Variants in FRMD4B observed in about 807,000 individuals in gnomAD.
FRMD4B encodes FERM domain-containing protein 4B.
Under a neutral mutation model 141.5 loss-of-function variants are expected in FRMD4B, and 74 were observed. The ratio of observed to expected loss-of-function variants is 0.52; its 90% CI spans 0.43 to 0.63. The LOEUF is 0.63. Among genes scored for constraint, FRMD4B ranks in the 30% least tolerant of loss-of-function variants. The pLI is 0.00. For missense variants in FRMD4B, 1,366 were observed against 1,253.4 expected (o/e 1.09, Z -1.36); for synonymous variants, 506 against 467.9 (o/e 1.08, Z -1.05).
At chr3:69,482,824 T>A (rs184532465) in intron 1 of FRMD4B, among the ~76,000 whole-genome samples, 1 of 152,308 alleles carries the variant, frequency 6.6e-6, no homozygotes, top group African/African-American at 2.4e-5. Flanking sequence ...GGGTAAACTG[T>A]TACTCTTTTT....
intron 1 of FRMD4B, among the ~76,000 whole-genome samples, chr3:69,376,593 TA>T (rs1308901985): frequency 7.4e-6 from 1 of 135,730 alleles, no homozygotes; most frequent in Non-Finnish European, 1.6e-5. Flanking sequence ...AAAAGGACAT[TA>T]GGGGAAAATG....
intron 1 of FRMD4B, among the ~76,000 whole-genome samples, chr3:69,474,279 G>A (rs71302192): frequency 0.038 from 5,764 of 152,272 alleles, 160 homozygotes; most frequent in Non-Finnish European, 0.055. Flanking sequence ...CAGAATTAAA[G>A]GCAGAGTGAA....
At chr3:69,439,169 G>GT (rs1320763650) in intron 1 of FRMD4B, among the ~76,000 whole-genome samples, 4 of 152,062 alleles carry the variant, frequency 2.6e-5, no homozygotes, top group Admixed American at 6.6e-5. Context: ...GCTCAACATG[G>GT]TTTTTTGCGA....
At chr3:69,244,380 G>A (rs1484955667) in intron 7 of FRMD4B, among the ~76,000 whole-genome samples, 1 of 152,220 alleles carries the variant, frequency 6.6e-6, no homozygotes, top group Non-Finnish European at 1.5e-5. Flanking sequence ...GACCAGAGCA[G>A]CCTTAAGAAT....
At chr3:69,456,088 T>C (rs74469620) in intron 1 of FRMD4B, among the ~76,000 whole-genome samples, 1 of 152,202 alleles carries the variant, frequency 6.6e-6, no homozygotes, top group African/African-American at 2.4e-5. Flanking sequence ...AAAGAACTTG[T>C]GAGCTTTCCA....
chr3:69,455,856 G>C (rs911323972), intron 1 of FRMD4B, among the ~76,000 whole-genome samples: 11 of 152,182 alleles, frequency 7.2e-5, no homozygotes, highest in African/African-American at 2.7e-4. Flanking sequence ...CAGACCACAG[G>C]GCTGGCAGCT....
chr3:69,409,406 A>G (rs1205050421), intron 2 of FRMD4B, among the ~76,000 whole-genome samples: 1 of 152,180 alleles, frequency 6.6e-6, no homozygotes, highest in Non-Finnish European at 1.5e-5. Flanking sequence ...GAAAGCTTAC[A>G]ATGACCCAGT....
chr3:69,300,642 G>A (rs888963000), intron 4 of FRMD4B, among the ~76,000 whole-genome samples: 5 of 152,194 alleles, frequency 3.3e-5, no homozygotes, highest in African/African-American at 7.2e-5. Context: ...AAGACATAAC[G>A]CTTTCATTGA....
chr3:69,488,730 A>G (rs918980892), intron 1 of FRMD4B, among the ~76,000 whole-genome samples: 2 of 151,726 alleles, frequency 1.3e-5, no homozygotes, highest in Admixed American at 1.3e-4. Context: ...GTGAAACCCC[A>G]TCTCCACTAA....
At chr3:69,454,177 A>G (rs1705546481) in intron 1 of FRMD4B, among the ~76,000 whole-genome samples, 1 of 152,236 alleles carries the variant, frequency 6.6e-6, no homozygotes, top group African/African-American at 2.4e-5. Context: ...TTTCTGTTCA[A>G]TAGTATCATC....
intron 1 of FRMD4B, among the ~76,000 whole-genome samples, chr3:69,519,538 T>C (rs925364456): frequency 3.3e-5 from 5 of 152,180 alleles, no homozygotes; most frequent in African/African-American, 1.2e-4. Context: ...GGGAGCCTGC[T>C]GGCTTTTTGG....
At chr3:69,531,681 A>T (rs1053137980) in intron 1 of FRMD4B, among the ~76,000 whole-genome samples, 1 of 152,216 alleles carries the variant, frequency 6.6e-6, no homozygotes, top group Non-Finnish European at 1.5e-5. Flanking sequence ...CAATTTTTAA[A>T]TACCCTTTAT....
At chr3:69,224,478 G>A in intron 8 of FRMD4B, 129 bp downstream of exon 8, 1 of 685,978 alleles carries the variant, frequency 1.5e-6, no homozygotes, top group Non-Finnish European at 2.6e-6. Context: ...GTCTACCTAT[G>A]GTTACTTTAT....
chr3:69,288,015 G>A (rs1023177486), intron 4 of FRMD4B, among the ~76,000 whole-genome samples, 179 bp from the exon 5 acceptor site: 4 of 152,234 alleles, frequency 2.6e-5, no homozygotes, highest in Admixed American at 2.6e-4. Context: ...GTATGTGTAT[G>A]TATACCTAAA....
intron 1 of FRMD4B, among the ~76,000 whole-genome samples, chr3:69,373,710 T>TA (rs1703892072): frequency 6.6e-6 from 1 of 151,810 alleles, no homozygotes; most frequent in Non-Finnish European, 1.5e-5. Flanking sequence ...ATCTAAAAAA[T>TA]AAAAAAATAC....
At chr3:69,353,637 G>A in intron 1 of FRMD4B, 5 of 984,346 alleles carry the variant, frequency 5.1e-6, no homozygotes, top group Non-Finnish European at 6.0e-6. Context: ...CGGTGTGTGT[G>A]TGTGTGCGCG....
rs1705721395 is a variant in FRMD4B at position 69,462,417 on chromosome 3, C to T, written c.-128-29656G>A. ...CACTTCTGTGGCTAGAGAAAGCCCTCAGGTAAAAGACACAAACAGCCTTGT... is the reference window on the plus strand; with the variant it reads ...CACTTCTGTGGCTAGAGAAAGCCCTTAGGTAAAAGACACAAACAGCCTTGT... On this transcript the variant is annotated intron_variant, in intron 1 of 5. Transcript: ENST00000459638. Among the ~76,000 whole-genome samples the T allele has an allele frequency of 1.3e-5, 2 of 152,196 alleles. 1 individual carries two copies. The highest frequency in any genetic ancestry group is 4.1e-4 in the South Asian group (2 of 4,824).
chr3:69,396,936 T>C (rs1383602660), intron 2 of FRMD4B, among the ~76,000 whole-genome samples: 1 of 152,208 alleles, frequency 6.6e-6, no homozygotes, highest in Non-Finnish European at 1.5e-5. Flanking sequence ...CATACGTTTA[T>C]CAGCTGATAA....
At chr3:69,200,637 C>A in intron 11 of FRMD4B, 1 of 1,223,814 alleles carries the variant, frequency 8.2e-7, no homozygotes, top group Non-Finnish European at 1.0e-6. Context: ...TTCCTCCCAT[C>A]AGGGAGAGGA....
Sources: allele counts gnomAD v4.1 joint callset (sites outside exome capture counted in the v4.1 genomes callset), GRCh38; gene constraint gnomAD v4.1.1; transcripts MANE v1.5; gene names NCBI Gene and HGNC (gene_info 2026-07-23, HGNC 2026-07-21).